Variants in NELL2 observed in about 807,000 individuals in gnomAD.
NELL2 encodes the protein protein kinase C-binding protein NELL2.
NELL2 carries 41 observed loss-of-function variants against 109.6 expected under a neutral mutation model. That is an observed-to-expected ratio of 0.37 (90% confidence interval 0.29 to 0.49). NELL2 has a LOEUF of 0.49. Ranked by LOEUF, NELL2 falls within the 20% of genes least tolerant of loss-of-function variation. The probability of loss-of-function intolerance (pLI) is 0.98; values close to 1 mark genes in which losing one functional copy is unlikely to be tolerated. For missense variants in NELL2, 900 were observed against 1,008.3 expected, an observed-to-expected ratio of 0.89 and a Z score of 1.45; for synonymous variants, 355 against 344.7, an observed-to-expected ratio of 1.03 and a Z score of -0.33.
intron 15 of NELL2, among the ~76,000 whole-genome samples, chr12:44,601,173 C>G (rs1327002435): frequency 6.6e-6 from 1 of 151,978 alleles, no homozygotes; most frequent in Non-Finnish European, 1.5e-5. Context: ...CTTACATTTT[C>G]TCCATGATGT....
chr12:44,828,557 A>G (rs1943787523), intron 2 of NELL2, among the ~76,000 whole-genome samples: 1 of 152,210 alleles, frequency 6.6e-6, no homozygotes, highest in Non-Finnish European at 1.5e-5. Flanking sequence ...AAGTATACAT[A>G]CATTAATATA....
intron 13 of NELL2, among the ~76,000 whole-genome samples, chr12:44,633,474 A>C (rs1051483295): frequency 6.6e-6 from 1 of 152,102 alleles, no homozygotes; most frequent in Admixed American, 6.6e-5. Context: ...AGAAATAATA[A>C]AGAAGTAATA....
At position 44,887,656 on chromosome 12, in the gene NELL2, GTGT is replaced by G. The variant is rs755512287; in HGVS notation, c.39-11759_39-11757del. 1.5e-3 allele frequency among the ~76,000 whole-genome samples: 219 copies of G among 150,630 alleles called. 2 individuals are homozygous for G. The highest frequency in any genetic ancestry group is 4.6e-3 in the African/African-American group (187 of 41,028). On this transcript the variant is annotated intron_variant, in intron 1 of 20. Transcript: ENST00000333837. ...GATTATTGTGTGTGTGTGTGTGTGTGTGTTGTTGTTGTTGTTGTTTTTGTTGTT... is the reference window on the plus strand; with the variant it reads ...GATTATTGTGTGTGTGTGTGTGTGTGTGTTGTTGTTGTTGTTTTTGTTGTT...
At chr12:44,848,274 G>C (rs1944433390) in intron 2 of NELL2, among the ~76,000 whole-genome samples, 1 of 152,062 alleles carries the variant, frequency 6.6e-6, no homozygotes, top group South Asian at 2.1e-4. Flanking sequence ...TATAGAAAGC[G>C]ATGCAGAGGA....
exon 1 of NELL2, chr12:44,913,869 T>G (rs1239542991): frequency 1.0e-5 from 7 of 688,232 alleles, no homozygotes; most frequent in African/African-American, 1.9e-5. Context: ...GGTTCTTTTT[T>G]CACTTTTAGA....
chr12:44,850,566 A>G (rs1944504327), intron 2 of NELL2, among the ~76,000 whole-genome samples: 1 of 152,186 alleles, frequency 6.6e-6, no homozygotes, highest in Non-Finnish European at 1.5e-5. Context: ...CATTTATCAA[A>G]CAAGACATCA....
intron 9 of NELL2, among the ~76,000 whole-genome samples, chr12:44,772,130 A>C (rs1371000918): frequency 1.3e-5 from 2 of 152,220 alleles, no homozygotes; most frequent in Non-Finnish European, 2.9e-5. Context: ...AAGAGGGCTT[A>C]TATTTATATT....
At chr12:44,917,185 A>C (rs141337146), upstream of NELL2, among the ~76,000 whole-genome samples, 2 of 152,342 alleles carry the variant, frequency 1.3e-5, no homozygotes, top group East Asian at 3.9e-4. Context: ...ATACCAAGGT[A>C]GATTTACTGC....
intron 13 of NELL2, among the ~76,000 whole-genome samples, chr12:44,623,056 T>C (rs1946115173): frequency 6.6e-6 from 1 of 152,142 alleles, no homozygotes; most frequent in African/African-American, 2.4e-5. Flanking sequence ...AATATTTTGA[T>C]TTGCAGTGGT....
chr12:44,840,810 T>C (rs777179801), intron 2 of NELL2, among the ~76,000 whole-genome samples: 5 of 152,248 alleles, frequency 3.3e-5, no homozygotes, highest in African/African-American at 7.2e-5. Flanking sequence ...CAGGACATGT[T>C]GCAATTCATT....
chr12:44,700,482 C>T (rs1423914045), intron 12 of NELL2, among the ~76,000 whole-genome samples: 1 of 152,160 alleles, frequency 6.6e-6, no homozygotes, highest in Non-Finnish European at 1.5e-5. Flanking sequence ...CTCCTGTGCT[C>T]TCTGCTACTG....
chr12:44,870,621 T>C (rs1945134449), intron 2 of NELL2, among the ~76,000 whole-genome samples: 1 of 152,180 alleles, frequency 6.6e-6, no homozygotes, highest in Non-Finnish European at 1.5e-5. Context: ...CTTGCCTTTT[T>C]CAGCATCTAA....
chr12:44,711,108 T>G (rs1938173943), intron 11 of NELL2, among the ~76,000 whole-genome samples, 184 bp downstream of exon 11: 1 of 152,110 alleles, frequency 6.6e-6, no homozygotes, highest in African/African-American at 2.4e-5. Context: ...CAGTTTTAAT[T>G]CAGTTCAGTA....
At chr12:44,599,210 T>C (rs1945100071) in intron 15 of NELL2, among the ~76,000 whole-genome samples, 1 of 152,094 alleles carries the variant, frequency 6.6e-6, no homozygotes, top group Non-Finnish European at 1.5e-5. Flanking sequence ...GTCCAAAACA[T>C]ATGAGGAAAC....
At chr12:44,814,116 C>T (rs1377118258) in intron 3 of NELL2, among the ~76,000 whole-genome samples, 1 of 152,098 alleles carries the variant, frequency 6.6e-6, no homozygotes, top group East Asian at 1.9e-4. Context: ...GGGAAACAGA[C>T]CCATTGAAAT....
intron 2 of NELL2, among the ~76,000 whole-genome samples, chr12:44,867,832 T>C (rs1945046263): frequency 6.6e-6 from 1 of 151,958 alleles, no homozygotes. Context: ...ATGTTAACAA[T>C]AAACTGGTGA....
chr12:44,618,353 C>T (rs1180614718), intron 13 of NELL2, among the ~76,000 whole-genome samples: 3 of 152,124 alleles, frequency 2.0e-5, no homozygotes, highest in Admixed American at 6.5e-5. Flanking sequence ...ACATGCTTGG[C>T]TGATTTTCTT....
chr12:44,707,883 CTA>C (rs1937972420), intron 11 of NELL2, among the ~76,000 whole-genome samples: 1 of 152,082 alleles, frequency 6.6e-6, no homozygotes, highest in South Asian at 2.1e-4. Flanking sequence ...ATATGGGAAA[CTA>C]TGGGTTATCC....
chr12:44,532,952 T>C (rs1451610133), intron 15 of NELL2, among the ~76,000 whole-genome samples: 1 of 152,152 alleles, frequency 6.6e-6, no homozygotes, highest in Non-Finnish European at 1.5e-5. Flanking sequence ...TATTCCACTG[T>C]AGAAAATGGA....
Sources: allele counts gnomAD v4.1 joint callset (sites outside exome capture counted in the v4.1 genomes callset), GRCh38; gene constraint gnomAD v4.1.1; transcripts MANE v1.5; gene names NCBI Gene and HGNC (gene_info 2026-07-23, HGNC 2026-07-21).